The following RAX2 variants were observed in gnomAD, a reference collection of about 807,000 sequenced individuals.
RAX2 encodes retina and anterior neural fold homeobox protein 2.
In RAX2, 4 loss-of-function variants were observed where a neutral mutation model predicts 5.8. The ratio of observed to expected loss-of-function variants is 0.69; its 90% CI spans 0.34 to 1.58. The LOEUF is 1.58. Ranked by LOEUF, RAX2 falls within the 40% of genes most tolerant of loss-of-function variation. RAX2 has a pLI of 0.05. For synonymous variants in RAX2, 133 were observed against 128.8 expected (o/e 1.03, Z -0.22); for missense variants, 275 against 271.4 (o/e 1.01, Z -0.09).
Position 3,770,429 on chromosome 19 carries a change from T to G in RAX2, c.*192A>C. The G allele has an allele frequency of 1.8e-6, 1 of 565,780 alleles. No individual in the cohort carries two copies. 35.0% of individuals were successfully genotyped at this position (565,780 alleles called of 1,614,324 possible). A position where few individuals can be genotyped will look rare whatever the true frequency, so the allele number is the denominator to read the frequency against. Reference sequence around the variant, plus strand: ...CCGCTGCCAGCAGGACGGGTGGCGATGGGGTGGGAGACGGGATGGGGGCAG... The same window carrying G: ...CCGCTGCCAGCAGGACGGGTGGCGAGGGGGTGGGAGACGGGATGGGGGCAG... On this transcript the variant is annotated 3_prime_UTR_variant, in exon 3 of 3. Coordinates refer to ENST00000555633, the MANE Select transcript of RAX2 (RefSeq NM_001319074.4).
Position 3,772,187 on chromosome 19 carries a change from T to G in RAX2, c.-293A>C. 1 of 456,274 alleles carries G rather than the reference T, an allele frequency of 2.2e-6. No individual in the cohort carries two copies. The highest frequency in any genetic ancestry group is 4.4e-6 in the Non-Finnish European group (1 of 227,480). The allele number at this position is 456,274 out of a possible 1,614,324, so 28.3% of individuals were successfully genotyped here. On this transcript the variant is annotated 5_prime_UTR_variant, in exon 1 of 3. Transcript: ENST00000555633. ...CCGCCCACGGCAGCCCCTCCGTCGA[T>G]TTCCACGGGACACCTGCCCCAGCGG...
In RAX2 at chr19:3,770,470, G is replaced by C. The variant is rs1254402355; in HGVS notation, c.*151C>G. ...ATGGGGGCAGGGAACCCAGCAGCCT[G>C]TCTCTCTGGTCCCGCTCCCCAGTGG... On this transcript the variant is annotated 3_prime_UTR_variant, in exon 3 of 3. Coordinates refer to ENST00000555633, the MANE Select transcript of RAX2 (RefSeq NM_001319074.4). 4.7e-6 allele frequency: 3 copies of C among 644,818 alleles called. No individual in the cohort carries two copies. Among genetic ancestry groups the C allele is most frequent in the Admixed American group, 3.2e-5 (1 of 31,584 alleles). The allele number at this position is 644,818 out of a possible 1,614,324, so 39.9% of individuals were successfully genotyped here.
chr19:3,771,818 AG>A lies in RAX2; in HGVS notation c.-77del. On this transcript the variant is annotated 5_prime_UTR_variant, in exon 2 of 3. An upstream open reading frame in the 5' UTR loses its in-frame stop. Coordinates refer to ENST00000555633, the MANE Select transcript of RAX2 (RefSeq NM_001319074.4). The surrounding 1 kb of genome is among the most constrained non-coding windows in gnomAD (Gnocchi z 4.2). ...GGGGGGCTACCGGCAGGGACAGGGC[AG>A]GGGAGCCCCAGGCTTGCCTCCCGGC... is the stretch of plus-strand genomic sequence containing the variant. The A allele has an allele frequency of 6.7e-7, 1 of 1,490,588 alleles. No homozygotes were observed. The highest frequency in any genetic ancestry group is 8.9e-7 in the Non-Finnish European group (1 of 1,120,960). 92.3% of individuals were successfully genotyped at this position (1,490,588 alleles called of 1,614,324 possible). A position where few individuals can be genotyped will look rare whatever the true frequency, so the allele number is the denominator to read the frequency against.
In RAX2 at chr19:3,770,129, CCAGGCTCGCGG is replaced by C. The variant is rs1176991714; in HGVS notation, c.*481_*491del. The stretch of plus-strand genomic sequence containing the variant: ...ATGGCGAGCACACGGTGAGAGGAGA[CCAGGCTCGCGG>C]GAGCTGCTGCTATTTGTTATTTCCA... On this transcript the variant is annotated 3_prime_UTR_variant, in exon 3 of 3. Coordinates refer to ENST00000555633, the MANE Select transcript of RAX2 (RefSeq NM_001319074.4). 6.2e-5 allele frequency: 10 copies of C among 160,906 alleles called. No homozygotes were observed. Among genetic ancestry groups the C allele is most frequent in the Admixed American group, 6.2e-4 (10 of 16,204 alleles). 10.0% of individuals were successfully genotyped at this position (160,906 alleles called of 1,614,324 possible).
At position 3,770,246 on chromosome 19, in the gene RAX2, G is replaced by T. The variant is rs2037237776; in HGVS notation, c.*375C>A. ...GAGAGATTTACACTCATCTTACAGA[G>T]TCAGCGGTCCCGCCACCCACAGCCT... On this transcript the variant is annotated 3_prime_UTR_variant, in exon 3 of 3. Coordinates refer to ENST00000555633, the MANE Select transcript of RAX2 (RefSeq NM_001319074.4). The T allele has an allele frequency of 1.0e-5, 3 of 294,748 alleles. No homozygotes were observed. The Admixed American group carries it at 1.5e-4, about 15-fold the overall frequency. 18.3% of individuals were successfully genotyped at this position (294,748 alleles called of 1,614,324 possible).
chr19:3,771,447 G>A lies in RAX2; in HGVS notation c.216+80C>T. The A allele has an allele frequency of 8.5e-7, 1 of 1,180,216 alleles. No individual in the cohort carries two copies. The highest frequency in any genetic ancestry group is 2.6e-5 in the East Asian group (1 of 39,112). 73.1% of individuals were successfully genotyped at this position (1,180,216 alleles called of 1,614,324 possible). A position where few individuals can be genotyped will look rare whatever the true frequency, so the allele number is the denominator to read the frequency against. ...AAGCCTTCCTAGCTTCTCTTCTGCT[G>A]TTGCTCCGGGAGGGTCAGGATCTTG... On this transcript the variant is annotated intron_variant, in intron 2 of 2. Coordinates refer to ENST00000555633, the MANE Select transcript of RAX2 (RefSeq NM_001319074.4). The surrounding 1 kb of genome is among the most constrained non-coding windows in gnomAD (Gnocchi z 4.2).
chr19:3,770,606 G>A lies in RAX2; in HGVS notation c.*15C>T, dbSNP rs1318540795. The A allele has an allele frequency of 8.5e-6, 13 of 1,530,186 alleles. No homozygotes were observed. The highest frequency in any genetic ancestry group is 2.5e-5 in the East Asian group (1 of 40,712). The allele number at this position is 1,530,186 out of a possible 1,614,324, so 94.8% of individuals were successfully genotyped here. A position where few individuals can be genotyped will look rare whatever the true frequency, so the allele number is the denominator to read the frequency against. On this transcript the variant is annotated 3_prime_UTR_variant, in exon 3 of 3. Transcript: ENST00000555633. ...TCGGGTTGGGCCGAGGAGGGGGCCC[G>A]GGAGGGCGGCAGGCTCAGGCTGGCG...
Position 3,770,699 on chromosome 19 carries a change from G to A in RAX2, c.477C>T (p.Phe159=), listed in dbSNP as rs763649255. ...HAFAPTFADG[F]ALEEASLRLL... is the part of the protein sequence containing the mutation. ...GCCGCAGGGACGCCTCCTCCAGGGCGAAGCCATCTGCGAAGGTGGGAGCAA... is the reference window on the plus strand; with the variant it reads ...GCCGCAGGGACGCCTCCTCCAGGGCAAAGCCATCTGCGAAGGTGGGAGCAA... The change falls in exon 3 of 3, where the codon TTC becomes TTT. Residue 159 remains phenylalanine, a synonymous_variant. Coordinates refer to ENST00000555633, the MANE Select transcript of RAX2 (RefSeq NM_001319074.4). 23 of 1,535,680 alleles carry A rather than the reference G, an allele frequency of 1.5e-5. No individual in the cohort carries two copies. Among genetic ancestry groups the A allele is most frequent in the Admixed American group, 7.9e-5 (4 of 50,950 alleles).
rs2037242582 is a variant in RAX2 at position 3,770,544 on chromosome 19, A to C, written c.*77T>G. The C allele has an allele frequency of 2.9e-6, 4 of 1,358,380 alleles. No homozygotes were observed. In the Admixed American group the frequency reaches 8.3e-5, roughly 28 times the overall value. The allele number at this position is 1,358,380 out of a possible 1,614,324, so 84.1% of individuals were successfully genotyped here. On this transcript the variant is annotated 3_prime_UTR_variant, in exon 3 of 3. Transcript: ENST00000555633. ...TGCTCCATGACCTCGGCCTAGGCCA[A>C]GGCGTGGTGGCTGTCACCAGGGCAC...
In RAX2 at chr19:3,769,099, G is replaced by A. The variant is rs1287089282; in HGVS notation, c.*1522C>T. 1 of 152,092 alleles carries A rather than the reference G, an allele frequency of 6.6e-6. No homozygotes were observed. The highest frequency in any genetic ancestry group is 1.5e-5 in the Non-Finnish European group (1 of 68,038). 9.4% of individuals were successfully genotyped at this position (152,092 alleles called of 1,614,324 possible). On this transcript the variant is annotated 3_prime_UTR_variant, in exon 3 of 3. Coordinates refer to ENST00000555633, the MANE Select transcript of RAX2 (RefSeq NM_001319074.4). ...TCACTGTCTGAAGTCTTTTGTTTTA[G>A]ATTTGTTTTTTATTTGTATTGAGTC...
In RAX2 at chr19:3,771,514, G is replaced by A. The variant is rs1253473606; in HGVS notation, c.216+13C>T. 1.9e-6 allele frequency: 3 copies of A among 1,574,852 alleles called. No individual in the cohort carries two copies. Among genetic ancestry groups the A allele is most frequent in the African/African-American group, 2.7e-5 (2 of 74,386 alleles). On this transcript the variant is annotated intron_variant, in intron 2 of 2. Transcript: ENST00000555633. This position sits in a 1 kb window ranked among gnomAD's most constrained non-coding sequence, Gnocchi z 4.2. ...AGGTTGCAAAAGATGTGTGTGTTGG[G>A]GGGTGCCCTCACCTGCACGCGCACC...
At position 3,772,160 on chromosome 19, in the gene RAX2, C is replaced by T; in HGVS notation, c.-269+3G>A. 1 of 462,576 alleles carries T rather than the reference C, an allele frequency of 2.2e-6. No homozygotes were observed. The highest frequency in any genetic ancestry group is 1.6e-5 in the South Asian group (1 of 64,072). 28.7% of individuals were successfully genotyped at this position (462,576 alleles called of 1,614,324 possible). ...GGCCCACCAGTGCCCACCCCGCACTCACCGCCCACGGCAGCCCCTCCGTCG... is the reference window on the plus strand; with the variant it reads ...GGCCCACCAGTGCCCACCCCGCACTTACCGCCCACGGCAGCCCCTCCGTCG... On this transcript the variant is annotated splice_donor_region_variant and intron_variant, in intron 1 of 2. Coordinates refer to ENST00000555633, the MANE Select transcript of RAX2 (RefSeq NM_001319074.4).
chr19:3,772,194 G>C lies in RAX2; in HGVS notation c.-300C>G, dbSNP rs1234677376. ...CGGCAGCCCCTCCGTCGATTTCCAC[G>C]GGACACCTGCCCCAGCGGGCCTGGC... is the stretch of plus-strand genomic sequence containing the variant. On this transcript the variant is annotated 5_prime_UTR_variant, in exon 1 of 3. Coordinates refer to ENST00000555633, the MANE Select transcript of RAX2 (RefSeq NM_001319074.4). 4.4e-6 allele frequency: 2 copies of C among 455,252 alleles called. No homozygotes were observed. The highest frequency in any genetic ancestry group is 2.4e-5 in the Admixed American group (1 of 42,228). 28.2% of individuals were successfully genotyped at this position (455,252 alleles called of 1,614,324 possible).
chr19:3,770,497 G>A lies in RAX2; in HGVS notation c.*124C>T. 1 of 801,822 alleles carries A rather than the reference G, an allele frequency of 1.2e-6. No individual in the cohort carries two copies. Among genetic ancestry groups the A allele is most frequent in the South Asian group, 1.8e-5 (1 of 55,422 alleles). The allele number at this position is 801,822 out of a possible 1,614,324, so 49.7% of individuals were successfully genotyped here. ...CTCTCTGGTCCCGCTCCCCAGTGGTGGTGGCCTGGCCTGACCACGGTTGCT... is the reference window on the plus strand; with the variant it reads ...CTCTCTGGTCCCGCTCCCCAGTGGTAGTGGCCTGGCCTGACCACGGTTGCT... On this transcript the variant is annotated 3_prime_UTR_variant, in exon 3 of 3. Coordinates refer to ENST00000555633, the MANE Select transcript of RAX2 (RefSeq NM_001319074.4).
intron 2 of RAX2, 35 bp from the exon 3 acceptor site, chr19:3,770,994 A>T: frequency 3.4e-6 from 5 of 1,484,530 alleles, no homozygotes; most frequent in Non-Finnish European, 4.5e-6. Flanking sequence ...GGTTGCTGTG[A>T]GCTCAGCCGC....
chr19:3,771,190 C>G lies in RAX2; in HGVS notation c.217-231G>C, dbSNP rs537007340. Among the ~76,000 whole-genome samples, 1 of 152,048 alleles carries G rather than the reference C, an allele frequency of 6.6e-6. No individual in the cohort carries two copies. The highest frequency in any genetic ancestry group is 1.9e-4 in the East Asian group (1 of 5,150). On this transcript the variant is annotated intron_variant, in intron 2 of 2. Coordinates refer to ENST00000555633, the MANE Select transcript of RAX2 (RefSeq NM_001319074.4). The surrounding 1 kb of genome is among the most constrained non-coding windows in gnomAD (Gnocchi z 4.2). ...CTCCTTGGCCTCCCTTGGCCCTTAGCAAGTAACCTGAGCTGCCTAACGTGG... is the reference window on the plus strand; with the variant it reads ...CTCCTTGGCCTCCCTTGGCCCTTAGGAAGTAACCTGAGCTGCCTAACGTGG...
In RAX2 at chr19:3,771,879, A is replaced by G. The variant is rs2037268050; in HGVS notation, c.-137T>C. On this transcript the variant is annotated 5_prime_UTR_variant, in exon 2 of 3. It removes an upstream start codon present in the reference 5' UTR. Transcript: ENST00000555633. The surrounding 1 kb of genome is among the most constrained non-coding windows in gnomAD (Gnocchi z 4.2). The stretch of plus-strand genomic sequence containing the variant: ...ATCGGTTCCCTCCACTGGGGCCGGC[A>G]TGCGCTCTGCATCCCCAGGCTGTCC... 6.9e-7 allele frequency: 1 copy of G among 1,446,184 alleles called. No individual in the cohort carries two copies. Among genetic ancestry groups the G allele is most frequent in the East Asian group, 2.5e-5 (1 of 39,932 alleles). 89.6% of individuals were successfully genotyped at this position (1,446,184 alleles called of 1,614,324 possible).
rs1025462223 is a variant in RAX2 at position 3,770,641 on chromosome 19, T to C, written c.535A>G (p.Arg179Gly). 32 of 1,534,026 alleles carry C rather than the reference T, an allele frequency of 2.1e-5. No homozygotes were observed. The highest frequency in any genetic ancestry group is 2.7e-5 in the African/African-American group (2 of 72,872). The stretch of plus-strand genomic sequence containing the variant: ...CAGGCTCAGGCTGGCGGCCAGGCCC[T>C]GTCCAGAGCCTGTGCATGTTCCTTG... ...LAKEHAQALDRAWPPA is the reference protein window; with the variant it reads ...LAKEHAQALDGAWPPA Residue 179 changes from arginine to glycine, a missense_variant, in exon 3 of 3, where the codon AGG (arginine) becomes GGG (glycine). Coordinates refer to ENST00000555633, the MANE Select transcript of RAX2 (RefSeq NM_001319074.4).
In RAX2 at chr19:3,771,992, T is replaced by A; in HGVS notation, c.-250A>T. 1.8e-6 allele frequency: 1 copy of A among 568,126 alleles called. No homozygotes were observed. Among genetic ancestry groups the A allele is most frequent in the East Asian group, 3.1e-5 (1 of 32,308 alleles). The allele number at this position is 568,126 out of a possible 1,614,324, so 35.2% of individuals were successfully genotyped here. ...TCACCGTCCCTGTTTTCTCTTCCCC[T>A]CTCTGTGACTGTCACGGCCTGTGTG... On this transcript the variant is annotated 5_prime_UTR_variant, in exon 2 of 3. Coordinates refer to ENST00000555633, the MANE Select transcript of RAX2 (RefSeq NM_001319074.4). The surrounding 1 kb of genome is among the most constrained non-coding windows in gnomAD (Gnocchi z 4.2).
Sources: allele counts gnomAD v4.1 joint callset (sites outside exome capture counted in the v4.1 genomes callset), GRCh38; gene constraint gnomAD v4.1.1; non-coding constraint Gnocchi (gnomAD v3.1); transcripts MANE v1.5; gene names NCBI Gene and HGNC (gene_info 2026-07-23, HGNC 2026-07-21).